Variants in GRIN2B observed in about 807,000 individuals in gnomAD.
The protein encoded by GRIN2B is glutamate receptor ionotropic, NMDA 2B.
In GRIN2B, 5 loss-of-function variants were observed where a neutral mutation model predicts 114.5. The ratio of observed to expected loss-of-function variants is 0.04; its 90% confidence interval spans 0.02 to 0.09. GRIN2B has a LOEUF of 0.09. Among genes scored for constraint, GRIN2B ranks in the 10% least tolerant of loss-of-function variants. The pLI is 1.00. For missense variants in GRIN2B, 1,108 were observed against 1,943.5 expected (o/e 0.57, Z 8.08); for synonymous variants, 787 against 745.1 (o/e 1.06, Z -0.92).
chr12:13,860,136 C>T (rs11055649), intron 3 of GRIN2B, among the ~76,000 whole-genome samples: 1 of 151,946 alleles, frequency 6.6e-6, no homozygotes, highest in Admixed American at 6.6e-5. Context: ...CCACTGCCAG[C>T]CCATCTACTC....
Position 13,541,999 on chromosome 12 carries a change from C to T in GRIN2B, c.*20784G>A, listed in dbSNP as rs1948284558. ...TGCCAAACTACTTGTTTTTTTCAGACCCTCCCCAAGAGTCCTCACTTACCC... is the reference window on the plus strand; with the variant it reads ...TGCCAAACTACTTGTTTTTTTCAGATCCTCCCCAAGAGTCCTCACTTACCC... On this transcript the variant is annotated 3_prime_UTR_variant, in exon 14 of 14. Coordinates refer to ENST00000609686, the MANE Select transcript of GRIN2B (RefSeq NM_000834.5). 6.6e-6 allele frequency: 1 copy of T among 152,094 alleles called. No homozygotes were observed. The highest frequency in any genetic ancestry group is 1.5e-5 in the Non-Finnish European group (1 of 68,036). 9.4% of individuals were successfully genotyped at this position (152,094 alleles called of 1,614,324 possible).
At chr12:13,755,209 G>A (rs1172291263) in intron 3 of GRIN2B, among the ~76,000 whole-genome samples, 1 of 152,076 alleles carries the variant, frequency 6.6e-6, no homozygotes, top group Non-Finnish European at 1.5e-5. Flanking sequence ...ATTACATAGT[G>A]GTTTCTTAGT....
chr12:13,783,892 G>T (rs569478796), intron 3 of GRIN2B, among the ~76,000 whole-genome samples: 1 of 152,034 alleles, frequency 6.6e-6, no homozygotes, highest in Non-Finnish European at 1.5e-5. Context: ...CACCTTAGCA[G>T]GTCAGGGAAA....
At chr12:13,713,015 C>T (rs1272312090) in intron 4 of GRIN2B, among the ~76,000 whole-genome samples, 3 of 151,750 alleles carry the variant, frequency 2.0e-5, no homozygotes, top group Non-Finnish European at 2.9e-5. Flanking sequence ...AGATAGATAG[C>T]ATTTAGTCCC....
intron 12 of GRIN2B, 43 bp from the exon 13 acceptor site, chr12:13,567,306 C>T (rs764465057): frequency 2.1e-6 from 3 of 1,410,602 alleles, no homozygotes; most frequent in Admixed American, 3.4e-5. Flanking sequence ...AAAGAGGAGA[C>T]AGGAAAGGAG....
chr12:13,875,674 C>T (rs1428226135), intron 2 of GRIN2B, among the ~76,000 whole-genome samples: 3 of 152,148 alleles, frequency 2.0e-5, no homozygotes, highest in African/African-American at 7.2e-5. Flanking sequence ...CAATAATAAT[C>T]ATGTTGTTTT....
chr12:13,575,265 G>T (rs550471074), intron 10 of GRIN2B, among the ~76,000 whole-genome samples: 2 of 152,126 alleles, frequency 1.3e-5, no homozygotes, highest in Non-Finnish European at 2.9e-5. Context: ...ATAAGCCACC[G>T]ACTGGGAAGA....
intron 10 of GRIN2B, among the ~76,000 whole-genome samples, chr12:13,599,212 G>A (rs751529611): frequency 6.6e-6 from 1 of 152,166 alleles, no homozygotes; most frequent in Non-Finnish European, 1.5e-5. Flanking sequence ...AAATCTCGAT[G>A]TGGAATCGTA....
In GRIN2B at chr12:13,552,962, A is replaced by G. The variant is rs1948432535; in HGVS notation, c.*9821T>C. The G allele has an allele frequency of 6.6e-6, 1 of 152,154 alleles. No homozygotes were observed. The allele number at this position is 152,154 out of a possible 1,614,324, so 9.4% of individuals were successfully genotyped here. ...TTATTTGAGTTCAGTTCTCTATAGT[A>G]TGCTTTAAATTAGCACACAGTGGCA... is the stretch of plus-strand genomic sequence containing the variant. On this transcript the variant is annotated 3_prime_UTR_variant, in exon 14 of 14. Coordinates refer to ENST00000609686, the MANE Select transcript of GRIN2B (RefSeq NM_000834.5).
At chr12:13,569,088 G>A (rs568854192) in intron 12 of GRIN2B, among the ~76,000 whole-genome samples, 1 of 151,936 alleles carries the variant, frequency 6.6e-6, no homozygotes, top group South Asian at 2.1e-4. Flanking sequence ...ATGACTGGAT[G>A]AAACATCTAA....
intron 3 of GRIN2B, among the ~76,000 whole-genome samples, chr12:13,790,527 G>A (rs1333759904): frequency 5.3e-5 from 8 of 152,216 alleles, no homozygotes; most frequent in Admixed American, 3.9e-4. Flanking sequence ...GACCCAAATA[G>A]ATATGTACAA....
chr12:13,754,270 G>A (rs1169161081), intron 3 of GRIN2B, among the ~76,000 whole-genome samples: 1 of 152,026 alleles, frequency 6.6e-6, no homozygotes, highest in African/African-American at 2.4e-5. Flanking sequence ...TAGAATAAAG[G>A]CTCTAAACGG....
At chr12:13,957,154 T>C (rs1867606639) in intron 2 of GRIN2B, among the ~76,000 whole-genome samples, 1 of 152,224 alleles carries the variant, frequency 6.6e-6, no homozygotes, top group South Asian at 2.1e-4. Context: ...CCATTAGCTG[T>C]TCTCTTGGGG....
intron 10 of GRIN2B, among the ~76,000 whole-genome samples, chr12:13,582,240 G>A (rs1472785719): frequency 6.6e-6 from 1 of 152,152 alleles, no homozygotes; most frequent in Non-Finnish European, 1.5e-5. Flanking sequence ...GAGGTAAGAG[G>A]AATAAATAAT....
At chr12:13,695,769 T>G (rs1385798497) in intron 4 of GRIN2B, among the ~76,000 whole-genome samples, 3 of 152,172 alleles carry the variant, frequency 2.0e-5, no homozygotes, top group Admixed American at 6.5e-5. Context: ...TTTTTTTCAT[T>G]GTTGTTAAGA....
chr12:13,841,842 T>C (rs1297475128), intron 3 of GRIN2B, among the ~76,000 whole-genome samples: 1 of 152,218 alleles, frequency 6.6e-6, no homozygotes, highest in Non-Finnish European at 1.5e-5. Context: ...ATTTCTTAGT[T>C]TTGTTTGTAG....
intron 9 of GRIN2B, among the ~76,000 whole-genome samples, chr12:13,610,532 GCC>G (rs770532727): frequency 6.6e-5 from 10 of 152,126 alleles, no homozygotes; most frequent in Non-Finnish European, 1.5e-4. Flanking sequence ...CAGGTGGAAG[GCC>G]CCTGATTGTA....
intron 5 of GRIN2B, among the ~76,000 whole-genome samples, chr12:13,650,194 C>G (rs888099240): frequency 5.9e-5 from 9 of 152,028 alleles, no homozygotes; most frequent in African/African-American, 2.2e-4. Flanking sequence ...CAACCTTGGT[C>G]TTTCACTCCT....
At chr12:13,577,353 GC>G (rs1948789999) in intron 10 of GRIN2B, among the ~76,000 whole-genome samples, 2 of 152,196 alleles carry the variant, frequency 1.3e-5, no homozygotes, top group Admixed American at 1.3e-4. Flanking sequence ...TCAGAATTCA[GC>G]CCTCTGAGCT....
Sources: allele counts gnomAD v4.1 joint callset (sites outside exome capture counted in the v4.1 genomes callset), GRCh38; gene constraint gnomAD v4.1.1; transcripts MANE v1.5; gene names NCBI Gene and HGNC (gene_info 2026-07-23, HGNC 2026-07-21).